ALOX5: variants seen among roughly 807,000 people sequenced by gnomAD.
The protein encoded by ALOX5 is polyunsaturated fatty acid 5-lipoxygenase.
A neutral mutation model predicts 87.9 loss-of-function variants in ALOX5; 64 were observed. The ratio of observed to expected loss-of-function variants is 0.73; its 90% CI spans 0.60 to 0.90. The LOEUF (loss-of-function observed/expected upper bound fraction) is 0.90. ALOX5 is among the 40% of genes least tolerant of loss of function. The pLI, the probability that ALOX5 is intolerant of heterozygous loss-of-function variation, is 0.00. For missense variants in ALOX5, 822 were observed against 907.5 expected (o/e 0.91, Z 1.21); for synonymous variants, 388 against 355.1 (o/e 1.09, Z -1.04).
intron 1 of ALOX5, among the ~76,000 whole-genome samples, chr10:45,382,169 C>T (rs761079986): frequency 1.5e-4 from 23 of 152,172 alleles, no homozygotes; most frequent in Non-Finnish European, 3.1e-4. Context: ...GGAAGTGACT[C>T]GGGAGGTAAG....
intron 2 of ALOX5, among the ~76,000 whole-genome samples, chr10:45,395,388 T>C (rs1167722154): frequency 6.6e-6 from 1 of 151,902 alleles, no homozygotes; most frequent in Non-Finnish European, 1.5e-5. Context: ...TTCTCACTCA[T>C]AGGTGGGAAT....
chr10:45,409,538 T>C (rs998528711), intron 3 of ALOX5, among the ~76,000 whole-genome samples: 13 of 151,282 alleles, frequency 8.6e-5, no homozygotes, highest in Non-Finnish European at 1.3e-4. Flanking sequence ...TCTCTCTGTC[T>C]CTCTGTCTCT....
intron 4 of ALOX5, among the ~76,000 whole-genome samples, chr10:45,422,752 G>A (rs1408418470): frequency 6.6e-6 from 1 of 152,210 alleles, no homozygotes; most frequent in African/African-American, 2.4e-5. Flanking sequence ...TAAGAGAATG[G>A]CATAGTCTAT....
intron 4 of ALOX5, among the ~76,000 whole-genome samples, chr10:45,417,528 A>G (rs1357421229): frequency 6.6e-6 from 1 of 152,066 alleles, no homozygotes; most frequent in Non-Finnish European, 1.5e-5. Flanking sequence ...ATCTCTCCTG[A>G]GTGAGGGCAG....
chr10:45,433,287 G>A (rs889135398), intron 7 of ALOX5, among the ~76,000 whole-genome samples: 3 of 152,142 alleles, frequency 2.0e-5, no homozygotes, highest in South Asian at 2.1e-4. Context: ...TCAGAGCTTC[G>A]GCCAGCACCG....
At chr10:45,418,753 G>A (rs1333316250) in intron 4 of ALOX5, among the ~76,000 whole-genome samples, 3 of 152,204 alleles carry the variant, frequency 2.0e-5, no homozygotes, top group African/African-American at 4.8e-5. Context: ...AGTGGTTTGC[G>A]AAATTTCCTG....
At position 45,445,674 on chromosome 10, in the gene ALOX5, G is replaced by A; in HGVS notation, c.2012G>A (p.Ser671Asn). 1 of 1,613,246 alleles carries A rather than the reference G, an allele frequency of 6.2e-7. No individual in the cohort carries two copies. Among genetic ancestry groups the A allele is most frequent in the East Asian group, 2.2e-5 (1 of 44,840 alleles). ...TTGTCCCCAGACCGGATTCCGAACA[G>A]TGTGGCCATCTGAGCACACTGCCAG... ...YYLSPDRIPN[S>N]VAI Residue 671 changes from serine to asparagine, a missense_variant, in exon 14 of 14, where the codon AGT becomes AAT. Physicochemically the swap from Ser to Asn is conservative, Grantham distance 46. Coordinates refer to ENST00000374391, the MANE Select transcript of ALOX5 (RefSeq NM_000698.5).
intron 2 of ALOX5, among the ~76,000 whole-genome samples, chr10:45,389,594 A>C (rs2132696417): frequency 6.6e-6 from 1 of 152,346 alleles, no homozygotes; most frequent in Admixed American, 6.5e-5. Flanking sequence ...AGCCAAACTA[A>C]GCTTCATAAG....
intron 3 of ALOX5, among the ~76,000 whole-genome samples, chr10:45,407,269 C>T (rs1040098729): frequency 1.3e-5 from 2 of 152,192 alleles, no homozygotes; most frequent in Admixed American, 1.3e-4. Flanking sequence ...ATCTCCCTCC[C>T]TCCCCCACTT....
intron 4 of ALOX5, among the ~76,000 whole-genome samples, chr10:45,413,644 A>G (rs148299213): frequency 0.017 from 2,585 of 152,326 alleles, 68 homozygotes; most frequent in African/African-American, 0.058. Context: ...GAAAAGAGGA[A>G]GTCAAATTGT....
rs371476693 is a variant in ALOX5 at position 45,443,169 on chromosome 10, C to T, written c.1404C>T (p.Tyr468=). 6.8e-6 allele frequency: 11 copies of T among 1,613,720 alleles called. No individual in the cohort carries two copies. The African/African-American group carries it at 1.3e-4, about 20-fold the overall frequency. Residue 468 remains tyrosine, a synonymous_variant, in exon 10 of 14, where the codon TAC becomes TAT. Coordinates refer to ENST00000374391, the MANE Select transcript of ALOX5 (RefSeq NM_000698.5). ...RGMESKEDIP[Y]YFYRDDGLLV... Reference sequence around the variant, plus strand: ...TGGAGAGCAAAGAAGACATCCCCTACTACTTCTACCGGGACGACGGGCTCC... The same window carrying T: ...TGGAGAGCAAAGAAGACATCCCCTATTACTTCTACCGGGACGACGGGCTCC...
chr10:45,391,712 A>G (rs926496156), intron 2 of ALOX5, among the ~76,000 whole-genome samples: 42 of 146,726 alleles, frequency 2.9e-4, no homozygotes, highest in South Asian at 4.4e-4. Context: ...CCAGCCGCCC[A>G]TCATCTGAGA....
At chr10:45,384,214 T>G (rs1463875466) in intron 2 of ALOX5, among the ~76,000 whole-genome samples, 1 of 151,480 alleles carries the variant, frequency 6.6e-6, no homozygotes, top group Non-Finnish European at 1.5e-5. Flanking sequence ...TTCTGGGGAG[T>G]GATTGGCCTC....
intron 2 of ALOX5, among the ~76,000 whole-genome samples, chr10:45,391,920 C>A (rs866822753): frequency 8.6e-6 from 1 of 115,708 alleles, no homozygotes; most frequent in Non-Finnish European, 2.1e-5. Context: ...CCCCTCCGCC[C>A]GGCAGCCGCC....
chr10:45,436,503 A>G (rs1842064768), intron 7 of ALOX5, among the ~76,000 whole-genome samples: 2 of 152,352 alleles, frequency 1.3e-5, no homozygotes, highest in African/African-American at 4.8e-5. Flanking sequence ...TTTATTGAAT[A>G]GGATGTCCTT....
intron 3 of ALOX5, among the ~76,000 whole-genome samples, chr10:45,396,495 A>G (rs752514013): frequency 4.6e-5 from 7 of 152,248 alleles, no homozygotes; most frequent in Non-Finnish European, 1.0e-4. Context: ...TGAAATGCGC[A>G]AATTCCTAGA....
intron 7 of ALOX5, among the ~76,000 whole-genome samples, chr10:45,430,436 A>C (rs1315964318): frequency 1.3e-5 from 2 of 152,170 alleles, no homozygotes; most frequent in Non-Finnish European, 2.9e-5. Context: ...TAGAAAAAAA[A>C]AATGCAAGAT....
chr10:45,406,103 T>C (rs1487446978), intron 3 of ALOX5, among the ~76,000 whole-genome samples: 7 of 152,280 alleles, frequency 4.6e-5, no homozygotes, highest in African/African-American at 1.4e-4. Context: ...TGGCACTTTC[T>C]CCAGTCCTGT....
intron 4 of ALOX5, among the ~76,000 whole-genome samples, chr10:45,413,289 T>G (rs1159798939): frequency 6.6e-6 from 1 of 152,140 alleles, no homozygotes; most frequent in Non-Finnish European, 1.5e-5. Flanking sequence ...TGGTTCAACA[T>G]ACGCAAATCA....
Sources: gnomAD v4.1 joint callset for allele counts (sites outside exome capture counted in the v4.1 genomes callset) on GRCh38, gnomAD v4.1.1 for gene constraint, MANE v1.5 for transcripts, NCBI Gene and HGNC (gene_info 2026-07-23, HGNC 2026-07-21) for gene names.